OPA1: variants seen among roughly 807,000 people sequenced by gnomAD.
OPA1 encodes the protein dynamin-like GTPase OPA1, mitochondrial.
A neutral mutation model predicts 152.9 loss-of-function variants in OPA1; 59 were observed. The observed-to-expected ratio is 0.39, with a 90% CI of 0.31 to 0.48. OPA1 has a LOEUF of 0.48. OPA1 is among the 20% of genes least tolerant of loss of function. The probability of loss-of-function intolerance (pLI) is 0.96; values close to 1 mark genes in which losing one functional copy is unlikely to be tolerated. For synonymous variants in OPA1, 400 were observed against 389.9 expected, an observed-to-expected ratio of 1.03 and a Z score of -0.31; for missense variants, 1,008 against 1,216.8, an observed-to-expected ratio of 0.83 and a Z score of 2.55.
intron 25 of OPA1, 148 bp from the exon 26 acceptor site, chr3:193,662,674 G>T: frequency 2.8e-6 from 2 of 703,162 alleles, no homozygotes; most frequent in Admixed American, 5.2e-5. Context: ...GGGGTGCTGT[G>T]TTCTTTCTTG....
chr3:193,615,702 C>T lies in OPA1; in HGVS notation c.380C>T (p.Pro127Leu), dbSNP rs772551106. Residue 127 changes from proline to leucine, a missense_variant, in exon 3 of 31, where the codon CCG becomes CTG. Transcript: ENST00000361510. ...KTFDQWKDMI[P>L]DLSEYKWIVP... is the part of the protein sequence containing the mutation. ...TTTGATCAGTGGAAAGATATGATACCGGACCTTAGTGAATATAAATGGATT... is the reference window on the plus strand; with the variant it reads ...TTTGATCAGTGGAAAGATATGATACTGGACCTTAGTGAATATAAATGGATT... 13 of 1,610,038 alleles carry T rather than the reference C, an allele frequency of 8.1e-6. No individual in the cohort carries two copies. Among genetic ancestry groups the T allele is most frequent in the East Asian group, 6.7e-5 (3 of 44,798 alleles).
chr3:193,667,518 A>C, intron 29 of OPA1: 1 of 449,724 alleles, frequency 2.2e-6, no homozygotes. Flanking sequence ...AAAATACAAA[A>C]AACTTAGCCA....
chr3:193,595,599 A>G (rs1357597072), intron 1 of OPA1, among the ~76,000 whole-genome samples: 2 of 152,138 alleles, frequency 1.3e-5, no homozygotes, highest in African/African-American at 4.8e-5. Flanking sequence ...CTTCATGATT[A>G]TCTTGTTTTT....
intron 11 of OPA1, among the ~76,000 whole-genome samples, chr3:193,641,323 C>T (rs1409610303): frequency 2.6e-5 from 4 of 152,140 alleles, no homozygotes; most frequent in Non-Finnish European, 5.9e-5. Context: ...ACCCTGAATT[C>T]CAGTTTTTTG....
chr3:193,641,820 T>C (rs1733822738), intron 11 of OPA1, among the ~76,000 whole-genome samples: 1 of 152,228 alleles, frequency 6.6e-6, no homozygotes, highest in African/African-American at 2.4e-5. Flanking sequence ...TATACATTGC[T>C]ATAACATTTC....
At chr3:193,610,738 G>A (rs1453341316) in intron 1 of OPA1, among the ~76,000 whole-genome samples, 1 of 152,200 alleles carries the variant, frequency 6.6e-6, no homozygotes, top group Non-Finnish European at 1.5e-5. Context: ...CGCAATGGCG[G>A]GCACCCCTCC....
chr3:193,641,937 A>C (rs1341357847), intron 11 of OPA1, among the ~76,000 whole-genome samples: 1 of 152,184 alleles, frequency 6.6e-6, no homozygotes, highest in African/African-American at 2.4e-5. Context: ...CAACATGGCG[A>C]AACCCTGTCT....
chr3:193,682,970 C>T (rs926956248), intron 29 of OPA1, among the ~76,000 whole-genome samples: 3 of 151,802 alleles, frequency 2.0e-5, no homozygotes, highest in Non-Finnish European at 4.4e-5. Flanking sequence ...ATAGTGATTC[C>T]TCTGATGGAT....
chr3:193,679,388 ACT>A (rs767573978), intron 29 of OPA1, among the ~76,000 whole-genome samples: 20 of 151,318 alleles, frequency 1.3e-4, no homozygotes, highest in Non-Finnish European at 2.8e-4. Flanking sequence ...CCTACTTGAA[ACT>A]CTAGGATCTG....
intron 21 of OPA1, 53 bp downstream of exon 21, chr3:193,648,924 A>G: frequency 8.5e-7 from 1 of 1,182,990 alleles, no homozygotes; most frequent in East Asian, 2.4e-5. Flanking sequence ...TACAGGTTAT[A>G]ATGAAATGCT....
chr3:193,659,133 A>C (rs1714618508), intron 24 of OPA1, 138 bp downstream of exon 24: 1 of 728,236 alleles, frequency 1.4e-6, no homozygotes, highest in Non-Finnish European at 2.4e-6. Context: ...TTATTTGTGG[A>C]ATTTTTTTAG....
chr3:193,694,124 C>T (rs1185553618), intron 30 of OPA1, among the ~76,000 whole-genome samples: 1 of 152,168 alleles, frequency 6.6e-6, no homozygotes, highest in Non-Finnish European at 1.5e-5. Flanking sequence ...CCCTTTTCAA[C>T]CCTTGTGACT....
At chr3:193,611,490 G>A (rs533963762) in intron 1 of OPA1, among the ~76,000 whole-genome samples, 46 of 151,568 alleles carry the variant, frequency 3.0e-4, no homozygotes, top group African/African-American at 9.4e-4. Context: ...GCAGCTACTC[G>A]GGAGGCTGAG....
chr3:193,668,754 G>T (rs1717268724), intron 29 of OPA1: 1 of 1,250,686 alleles, frequency 8.0e-7, no homozygotes, highest in African/African-American at 1.5e-5. Flanking sequence ...CACCCCCCTA[G>T]CTTGGCCCTA....
chr3:193,682,883 C>T (rs1159038313), intron 29 of OPA1, among the ~76,000 whole-genome samples: 1 of 152,028 alleles, frequency 6.6e-6, no homozygotes, highest in Non-Finnish European at 1.5e-5. Context: ...TTCTGCAGCC[C>T]ATGGATCAAG....
chr3:193,633,582 A>G (rs1026054421), intron 8 of OPA1, among the ~76,000 whole-genome samples: 1 of 152,196 alleles, frequency 6.6e-6, no homozygotes, highest in Non-Finnish European at 1.5e-5. Flanking sequence ...ATCTATATCA[A>G]TGATGTCCAA....
In OPA1 at chr3:193,657,331, C is replaced by A. The variant is rs563105769; in HGVS notation, c.2331+99C>A. The A allele has an allele frequency of 1.1e-5, 13 of 1,153,250 alleles. No homozygotes were observed. In the Admixed American group the frequency reaches 2.4e-4, roughly 21 times the overall value. 71.4% of individuals were successfully genotyped at this position (1,153,250 alleles called of 1,614,324 possible). Reference sequence around the variant, plus strand: ...AGACTTTATATGACTAAATTACATTCTGAATTAAAAATAATGAAGTAAAGA... The same window carrying A: ...AGACTTTATATGACTAAATTACATTATGAATTAAAAATAATGAAGTAAAGA... On this transcript the variant is annotated intron_variant, in intron 23 of 30. Transcript: ENST00000361510.
chr3:193,683,740 A>G (rs1259914342), intron 29 of OPA1, among the ~76,000 whole-genome samples: 1 of 152,210 alleles, frequency 6.6e-6, no homozygotes, highest in Non-Finnish European at 1.5e-5. Flanking sequence ...ATTTGTTAGC[A>G]ATAAAGTACT....
intron 29 of OPA1, chr3:193,668,293 G>A: frequency 1.3e-6 from 2 of 1,526,178 alleles, no homozygotes; most frequent in Non-Finnish European, 1.8e-6. Flanking sequence ...CTTGAATGAA[G>A]ATATGTCCTT....
Sources: allele counts gnomAD v4.1 joint callset (sites outside exome capture counted in the v4.1 genomes callset), GRCh38; gene constraint gnomAD v4.1.1; transcripts MANE v1.5; gene names NCBI Gene and HGNC (gene_info 2026-07-23, HGNC 2026-07-21).